LZTS3: variants seen among roughly 807,000 people sequenced by gnomAD.
The protein encoded by LZTS3 is leucine zipper putative tumor suppressor 3.
Under a neutral mutation model 50.9 loss-of-function variants are expected in LZTS3, and 16 were observed. That is an observed-to-expected ratio of 0.31 (90% CI 0.21 to 0.48). LZTS3 has a LOEUF of 0.48. LZTS3 is among the 20% of genes least tolerant of loss of function. The pLI, the probability that LZTS3 is intolerant of heterozygous loss-of-function variation, is 0.99. For synonymous variants in LZTS3, 408 were observed against 410.6 expected, an observed-to-expected ratio of 0.99 and a Z score of 0.08; for missense variants, 816 against 931.0, an observed-to-expected ratio of 0.88 and a Z score of 1.61.
chr20:3,167,812 T>C lies in LZTS3; in HGVS notation c.-93A>G. 1 of 985,374 alleles carries C rather than the reference T, an allele frequency of 1.0e-6. No homozygotes were observed. The highest frequency in any genetic ancestry group is 1.2e-6 in the Non-Finnish European group (1 of 829,946). The allele number at this position is 985,374 out of a possible 1,614,324, so 61.0% of individuals were successfully genotyped here. A position where few individuals can be genotyped will look rare whatever the true frequency, so the allele number is the denominator to read the frequency against. On this transcript the variant is annotated 5_prime_UTR_variant, in exon 2 of 5. Coordinates refer to ENST00000337576, the MANE Select transcript of LZTS3 (RefSeq NM_001365618.1). The stretch of plus-strand genomic sequence containing the variant: ...TTCTCTCCTTGCCTTTCCAAGGGGT[T>C]GAGGGGCCGACGGGTCCTCAAGCCT...
In LZTS3 at chr20:3,164,913, C is replaced by G; in HGVS notation, c.1563G>C (p.Leu521=). 3 of 1,548,254 alleles carry G rather than the reference C, an allele frequency of 1.9e-6. No homozygotes were observed. The highest frequency in any genetic ancestry group is 2.6e-6 in the Non-Finnish European group (3 of 1,153,220). The change falls in exon 5 of 5, where the codon CTG becomes CTC. Residue 521 remains leucine, a synonymous_variant. Transcript: ENST00000337576. ...ELPAACLKPA[L]TPVDPAEPQD... The stretch of plus-strand genomic sequence containing the variant: ...GTGGCTCGGCCGGGTCCACGGGGGT[C>G]AGCGCCGGCTTGAGGCAGGCGGCAG...
At chr20:3,166,635 T>C in intron 3 of LZTS3, 70 bp downstream of exon 3, 1 of 1,551,080 alleles carries the variant, frequency 6.4e-7, no homozygotes, top group Non-Finnish European at 8.8e-7. Flanking sequence ...AGGCCCACTT[T>C]GCCTTCCTCT....
At position 3,166,214 on chromosome 20, in the gene LZTS3, C is replaced by T; in HGVS notation, c.606G>A (p.Lys202=). ...CACCCGCTGGAGTCATGGTCCGAGA[C>T]TTGTCCAGTCCGCCTTTGAGGCCAC... is the stretch of plus-strand genomic sequence containing the variant. The part of the protein sequence containing the change: ...GPGGLKGGLD[K]SRTMTPAGGS... The change falls in exon 4 of 5, where the codon AAG becomes AAA. Residue 202 remains lysine (K), a synonymous_variant. Coordinates refer to ENST00000337576, the MANE Select transcript of LZTS3 (RefSeq NM_001365618.1). 6.2e-7 allele frequency: 1 copy of T among 1,613,836 alleles called. No individual in the cohort carries two copies. The highest frequency in any genetic ancestry group is 8.5e-7 in the Non-Finnish European group (1 of 1,179,874).
In LZTS3 at chr20:3,165,389, T is replaced by TGGGGGGC; in HGVS notation, c.1323+107_1323+108insGCCCCCC. ...TTGATTTTTGTCCCCCCTGCTCCTT[T>TGGGGGGC]CATCCCCCCCCCCATCCCACCGTTA... is the stretch of plus-strand genomic sequence containing the variant. On this transcript the variant is annotated intron_variant, in intron 4 of 4. Transcript: ENST00000337576. The surrounding 1 kb of genome is among the most constrained non-coding windows in gnomAD (Gnocchi z 5.0). 1 of 1,229,604 alleles carries TGGGGGGC rather than the reference T, an allele frequency of 8.1e-7. No homozygotes were observed. Among genetic ancestry groups the TGGGGGGC allele is most frequent in the Non-Finnish European group, 1.1e-6 (1 of 926,170 alleles). 76.2% of individuals were successfully genotyped at this position (1,229,604 alleles called of 1,614,324 possible). A position where few individuals can be genotyped will look rare whatever the true frequency, so the allele number is the denominator to read the frequency against.
At position 3,166,037 on chromosome 20, in the gene LZTS3, G is replaced by A. The variant is rs61737116; in HGVS notation, c.783C>T (p.Gly261=). ...IGTASYGSGS[G]GSSGGGSGYQ... is the part of the protein sequence containing the mutation. ...AGCCCGACCCCCCACCGCTGCTGCC[G>A]CCACTACCACTACCATAGCTGGCAG... The change falls in exon 4 of 5, where the codon GGC becomes GGT. Residue 261 remains glycine (G), a synonymous_variant. Coordinates refer to ENST00000337576, the MANE Select transcript of LZTS3 (RefSeq NM_001365618.1). The A allele has an allele frequency of 1.0e-3, 1,612 of 1,612,722 alleles. 17 individuals are homozygous for A. In the African/African-American group the frequency reaches 0.019, roughly 19 times the overall value.
Position 3,166,801 on chromosome 20 carries a change from G to T in LZTS3, c.363C>A (p.Gly121=). Residue 121 remains glycine, a synonymous_variant, in exon 3 of 5, where the codon GGC becomes GGA. Coordinates refer to ENST00000337576, the MANE Select transcript of LZTS3 (RefSeq NM_001365618.1). The part of the protein sequence containing the change: ...VCGNVVGSSG[G]SSSSGGSDKA... ...TGTCACTGCCACCACTGCTGCTGCTGCCTCCGCTGCTGCCAACCACGTTGC... is the reference window on the plus strand; with the variant it reads ...TGTCACTGCCACCACTGCTGCTGCTTCCTCCGCTGCTGCCAACCACGTTGC... 1 of 1,613,820 alleles carries T rather than the reference G, an allele frequency of 6.2e-7. No homozygotes were observed. The highest frequency in any genetic ancestry group is 1.6e-4 in the Middle Eastern group (1 of 6,062).
At chr20:3,167,628 G>C (rs1392812069) in intron 2 of LZTS3, 110 bp downstream of exon 2, 1 of 990,766 alleles carries the variant, frequency 1.0e-6, no homozygotes, top group East Asian at 1.1e-4. Flanking sequence ...GGTTGGAAGG[G>C]GAGAGCAGTA....
rs1210600806 is a variant in LZTS3 at position 3,164,810 on chromosome 20, C to G, written c.1666G>C (p.Val556Leu). 1.3e-6 allele frequency: 2 copies of G among 1,541,738 alleles called. No homozygotes were observed. Among genetic ancestry groups the G allele is most frequent in the Non-Finnish European group, 1.7e-6 (2 of 1,147,452 alleles). Residue 556 changes from valine to leucine, a missense_variant, in exon 5 of 5, where the codon GTT (valine) becomes CTT (leucine). Transcript: ENST00000337576. ...GCCTCCGCCTCCCCGTCCACGGAAA[C>G]CAAGGAGGCGGCAGCGGCCACCCCG... ...QAGVAAAASL[V>L]SVDGEAEAGG...
intron 1 of LZTS3, among the ~76,000 whole-genome samples, chr20:3,170,494 A>AAAAAAAAC (rs2066890111): frequency 2.0e-5 from 3 of 149,258 alleles, no homozygotes; most frequent in Admixed American, 6.7e-5. Context: ...ATCAAAAAAA[A>AAAAAAAAC]AAAAAAAAAA....
chr20:3,168,083 G>A (rs1600450334), intron 1 of LZTS3, 122 bp from the exon 2 acceptor site: 1 of 152,502 alleles, frequency 6.6e-6, no homozygotes, highest in South Asian at 2.1e-4. Context: ...CGCACATCTG[G>A]GTCGCGGGTG....
Position 3,164,273 on chromosome 20 carries a change from C to G in LZTS3, c.*181G>C, listed in dbSNP as rs1247507965. 1 of 579,826 alleles carries G rather than the reference C, an allele frequency of 1.7e-6. No homozygotes were observed. The highest frequency in any genetic ancestry group is 2.0e-5 in the African/African-American group (1 of 50,910). 35.9% of individuals were successfully genotyped at this position (579,826 alleles called of 1,614,324 possible). Reference sequence around the variant, plus strand: ...TTAGGGGGGTCCAAGTGGGCTGCCACGGGGGCAGTGCTGGAGCTAGGAGGG... The same window carrying G: ...TTAGGGGGGTCCAAGTGGGCTGCCAGGGGGGCAGTGCTGGAGCTAGGAGGG... On this transcript the variant is annotated 3_prime_UTR_variant, in exon 5 of 5. Transcript: ENST00000337576.
rs1173597053 is a variant in LZTS3, at chr20:3,165,733, C to T, written c.1087G>A (p.Glu363Lys). Reference protein sequence around the residue: ...LEERQKAWERELAELRQGCSG... With the variant: ...LEERQKAWERKLAELRQGCSG... ...CAGCCCTGCCGCAGCTCGGCCAGCT[C>T]CCGCTCCCACGCCTTCTGCCGCTCC... Residue 363 changes from glutamate to lysine, a missense_variant, in exon 4 of 5, where the codon GAG becomes AAG. Physicochemically the swap from Glu to Lys is moderately conservative, Grantham distance 56. Coordinates refer to ENST00000337576, the MANE Select transcript of LZTS3 (RefSeq NM_001365618.1). This position sits in a 1 kb window ranked among gnomAD's most constrained non-coding sequence, Gnocchi z 5.0. 6.3e-7 allele frequency: 1 copy of T among 1,574,930 alleles called. No homozygotes were observed. Among genetic ancestry groups the T allele is most frequent in the Admixed American group, 1.8e-5 (1 of 55,952 alleles).
Position 3,167,842 on chromosome 20 carries a change from C to T in LZTS3, c.-123G>A. 2.0e-6 allele frequency: 2 copies of T among 985,426 alleles called. No individual in the cohort carries two copies. The highest frequency in any genetic ancestry group is 2.4e-6 in the Non-Finnish European group (2 of 829,942). 61.0% of individuals were successfully genotyped at this position (985,426 alleles called of 1,614,324 possible). The stretch of plus-strand genomic sequence containing the variant: ...GGCCGACGGGTCCTCAAGCCTGGGA[C>T]CCTCCGAGGCCCGGTCTGCAGGGGC... On this transcript the variant is annotated 5_prime_UTR_variant, in exon 2 of 5. Coordinates refer to ENST00000337576, the MANE Select transcript of LZTS3 (RefSeq NM_001365618.1).
chr20:3,166,071 C>A lies in LZTS3; in HGVS notation c.749G>T (p.Arg250Leu). The A allele has an allele frequency of 6.2e-6, 10 of 1,612,684 alleles. No individual in the cohort carries two copies. The highest frequency in any genetic ancestry group is 8.5e-6 in the Non-Finnish European group (10 of 1,179,074). The stretch of plus-strand genomic sequence containing the variant: ...ACTACCATAGCTGGCAGTGCCAATG[C>A]GGTTAATGTGGCTGGTGGAGGCACT... ...PLSASTSHIN[R>L]IGTASYGSGS... The change falls in exon 4 of 5, where the codon CGC becomes CTC. Residue 250 changes from arginine to leucine, a missense_variant. By Grantham distance (102) the Arg-to-Leu change is moderately radical. Coordinates refer to ENST00000337576, the MANE Select transcript of LZTS3 (RefSeq NM_001365618.1).
Position 3,165,811 on chromosome 20 carries a change from C to A in LZTS3, c.1009G>T (p.Ala337Ser). The change falls in exon 4 of 5, where the codon GCT becomes TCT. Residue 337 changes from alanine (A) to serine (S), a missense_variant. Coordinates refer to ENST00000337576, the MANE Select transcript of LZTS3 (RefSeq NM_001365618.1). This position sits in a 1 kb window ranked among gnomAD's most constrained non-coding sequence, Gnocchi z 5.0. ...CTCTGCTCCAGGCTGCGCCGCAGAG[C>A]TGCCACCTCCTGCTCCTTCTCCCAC... is the stretch of plus-strand genomic sequence containing the variant. ...RLWEKEQEVAALRRSLEQSEA... is the reference protein window; with the variant it reads ...RLWEKEQEVASLRRSLEQSEA... 1.9e-6 allele frequency: 3 copies of A among 1,599,964 alleles called. No individual in the cohort carries two copies. In the African/African-American group the frequency reaches 4.0e-5, roughly 21 times the overall value.
chr20:3,167,105 G>T lies in LZTS3; in HGVS notation c.59C>A (p.Ala20Asp). 6.5e-7 allele frequency: 1 copy of T among 1,527,082 alleles called. No individual in the cohort carries two copies. The highest frequency in any genetic ancestry group is 8.8e-7 in the Non-Finnish European group (1 of 1,139,980). The allele number at this position is 1,527,082 out of a possible 1,614,324, so 94.6% of individuals were successfully genotyped here. The change falls in exon 3 of 5, where the codon GCC becomes GAC. Residue 20 changes from alanine (A) to aspartate (D), a missense_variant. Ala to Asp is a moderately radical substitution (Grantham distance 126). Transcript: ENST00000337576. ...RADPGRDPLL[A>D]FAPRPSELGP... ...AAGCTCGGAGGGCCGTGGGGCAAAG[G>T]CCAGGAGAGGATCCCGCCCTGGGTC...
chr20:3,169,417 G>A (rs890791883), intron 1 of LZTS3, among the ~76,000 whole-genome samples: 2 of 152,216 alleles, frequency 1.3e-5, no homozygotes, highest in African/African-American at 4.8e-5. Flanking sequence ...CCTGGGCAGG[G>A]TTTGGGAAAG....
rs1268578586 is a variant in LZTS3, at chr20:3,164,846, G to A, written c.1630C>T (p.Arg544Cys). 6.4e-7 allele frequency: 1 copy of A among 1,553,504 alleles called. No individual in the cohort carries two copies. The highest frequency in any genetic ancestry group is 8.7e-7 in the Non-Finnish European group (1 of 1,155,180). ...GCAGCGGCCACCCCGGCCTGACGGC[G>A]CATCTTAGCCTCGTCGCTCTCGCAG... ...ATCESDEAKM[R>C]RQAGVAAAAS... The change falls in exon 5 of 5, where the codon CGC becomes TGC. Residue 544 changes from arginine to cysteine, a missense_variant. Around this residue, in one of 3 missense-constraint regions of LZTS3, gnomAD observed 700 missense variants for 769.4 expected, o/e 0.91. Transcript: ENST00000337576.
chr20:3,163,077 C>G lies in LZTS3; in HGVS notation c.*1377G>C, dbSNP rs771250825. 6.6e-6 allele frequency: 1 copy of G among 152,662 alleles called. No individual in the cohort carries two copies. Among genetic ancestry groups the G allele is most frequent in the African/African-American group, 2.4e-5 (1 of 41,444 alleles). The allele number at this position is 152,662 out of a possible 1,614,324, so 9.5% of individuals were successfully genotyped here. A position where few individuals can be genotyped will look rare whatever the true frequency, so the allele number is the denominator to read the frequency against. On this transcript the variant is annotated 3_prime_UTR_variant, in exon 5 of 5. Coordinates refer to ENST00000337576, the MANE Select transcript of LZTS3 (RefSeq NM_001365618.1). This position sits in a 1 kb window ranked among gnomAD's most constrained non-coding sequence, Gnocchi z 5.2. ...TTGCCAGCTCTCTCCACCTTGCCCC[C>G]CAAAACTCAGTCTTGGGGGTGGGAG...
Sources: allele counts gnomAD v4.1 joint callset (sites outside exome capture counted in the v4.1 genomes callset), GRCh38; gene constraint gnomAD v4.1.1; regional missense constraint gnomAD v4.1.1; non-coding constraint Gnocchi (gnomAD v3.1); transcripts MANE v1.5; gene names NCBI Gene and HGNC (gene_info 2026-07-23, HGNC 2026-07-21).